Variants in GALNT17 observed in about 807,000 individuals in gnomAD.
The protein encoded by GALNT17 is polypeptide N-acetylgalactosaminyltransferase 17.
A neutral mutation model predicts 63.7 loss-of-function variants in GALNT17; 29 were observed. The ratio of observed to expected loss-of-function variants is 0.46; its 90% confidence interval spans 0.34 to 0.62. The LOEUF (loss-of-function observed/expected upper bound fraction) is 0.62, where lower values mean the gene tolerates loss of function less well. Ranked by LOEUF, GALNT17 falls within the 20% of genes least tolerant of loss-of-function variation. The pLI, the probability that GALNT17 is intolerant of heterozygous loss-of-function variation, is 0.01. For missense variants in GALNT17, 603 were observed against 799.6 expected, an observed-to-expected ratio of 0.75 and a Z score of 2.97; for synonymous variants, 305 against 318.3, an observed-to-expected ratio of 0.96 and a Z score of 0.45.
intron 1 of GALNT17, among the ~76,000 whole-genome samples, chr7:71,288,811 T>C (rs934876238): frequency 6.6e-6 from 1 of 152,198 alleles, no homozygotes; most frequent in African/African-American, 2.4e-5. Context: ...GGAGAGTTGG[T>C]TGATGCTGAG....
At chr7:71,665,366 T>C (rs1412636926) in intron 6 of GALNT17, 45 bp from the exon 7 acceptor site, 1 of 1,567,668 alleles carries the variant, frequency 6.4e-7, no homozygotes, top group African/African-American at 1.4e-5. Context: ...GGGCATAGCC[T>C]CTGGGAATTT....
chr7:71,388,412 G>A lies in GALNT17; in HGVS notation c.589+11G>A, dbSNP rs1215387034. The stretch of plus-strand genomic sequence containing the variant: ...ACAACAGCGACGAAGGTACAGGGGT[G>A]GCTGACCTGTGCACAGGACATGATG... On this transcript the variant is annotated intron_variant, in intron 3 of 10. Coordinates refer to ENST00000333538, the MANE Select transcript of GALNT17 (RefSeq NM_022479.3). 3 of 1,612,756 alleles carry A rather than the reference G, an allele frequency of 1.9e-6. No individual in the cohort carries two copies. The East Asian group carries it at 6.7e-5, about 36-fold the overall frequency.
rs1788524874 is a variant in GALNT17 at position 71,521,221 on chromosome 7, A to T, written c.963-50064A>T. 2.7e-5 allele frequency among the ~76,000 whole-genome samples: 4 copies of T among 150,720 alleles called. No individual in the cohort carries two copies. In the South Asian group the frequency reaches 8.4e-4, roughly 31 times the overall value. On this transcript the variant is annotated intron_variant, in intron 5 of 10. Coordinates refer to ENST00000333538, the MANE Select transcript of GALNT17 (RefSeq NM_022479.3). ...GGCTAAGGCATGGATGCTCAGATAGATCCCAAATCTTTTTTTTTTTTTCCC... is the reference window on the plus strand; with the variant it reads ...GGCTAAGGCATGGATGCTCAGATAGTTCCCAAATCTTTTTTTTTTTTTCCC...
chr7:71,236,286 A>C (rs1789889711), intron 1 of GALNT17, among the ~76,000 whole-genome samples: 1 of 152,104 alleles, frequency 6.6e-6, no homozygotes, highest in Non-Finnish European at 1.5e-5. Context: ...CTTCATTGCT[A>C]CCCTATCTCA....
chr7:71,216,859 T>C (rs1789492408), intron 1 of GALNT17, among the ~76,000 whole-genome samples: 1 of 152,216 alleles, frequency 6.6e-6, no homozygotes, highest in South Asian at 2.1e-4. Context: ...TGTCTGGGAG[T>C]ACAACTTTAA....
chr7:71,535,009 G>A (rs1788781645), intron 5 of GALNT17, among the ~76,000 whole-genome samples: 1 of 152,154 alleles, frequency 6.6e-6, no homozygotes, highest in African/African-American at 2.4e-5. Flanking sequence ...AAAGAGAGGA[G>A]AATAGTACAT....
intron 6 of GALNT17, among the ~76,000 whole-genome samples, chr7:71,574,789 C>A (rs182288039): frequency 1.3e-5 from 2 of 152,138 alleles, no homozygotes; most frequent in Non-Finnish European, 2.9e-5. Context: ...CCTCCTACCC[C>A]ACCAGGTAAC....
At chr7:71,701,783 GTATATATA>G (rs1220410563) in intron 9 of GALNT17, among the ~76,000 whole-genome samples, 1 of 79,550 alleles carries the variant, frequency 1.3e-5, no homozygotes, top group Non-Finnish European at 2.3e-5. Context: ...ATGTGTGTGT[GTATATATA>G]TGTGTGTGTG....
chr7:71,291,706 A>G (rs542498531), intron 1 of GALNT17, among the ~76,000 whole-genome samples: 40 of 152,142 alleles, frequency 2.6e-4, no homozygotes, highest in Non-Finnish European at 5.6e-4. Flanking sequence ...CACTGGATCT[A>G]TATACTAATT....
chr7:71,364,903 T>C (rs1477453362), intron 2 of GALNT17, among the ~76,000 whole-genome samples: 1 of 151,330 alleles, frequency 6.6e-6, no homozygotes, highest in Non-Finnish European at 1.5e-5. Context: ...ATTCCCAGAT[T>C]TCTAAAAGGA....
chr7:71,497,055 A>T (rs1364554444), intron 5 of GALNT17, among the ~76,000 whole-genome samples: 1 of 152,126 alleles, frequency 6.6e-6, no homozygotes, highest in Non-Finnish European at 1.5e-5. Flanking sequence ...ACACAGTGAG[A>T]CCCTGAATCT....
chr7:71,219,329 T>C (rs1789542379), intron 1 of GALNT17, among the ~76,000 whole-genome samples: 1 of 152,188 alleles, frequency 6.6e-6, no homozygotes, highest in South Asian at 2.1e-4. Context: ...TTTACCAATA[T>C]GTGTATCTCT....
intron 2 of GALNT17, among the ~76,000 whole-genome samples, chr7:71,377,972 C>T (rs1188960789): frequency 1.3e-5 from 2 of 152,148 alleles, no homozygotes; most frequent in African/African-American, 2.4e-5. Context: ...TACCCAGTCT[C>T]GGGAATAGCT....
chr7:71,590,181 T>C (rs946855842), intron 6 of GALNT17, among the ~76,000 whole-genome samples: 4 of 152,200 alleles, frequency 2.6e-5, no homozygotes, highest in Non-Finnish European at 5.9e-5. Flanking sequence ...GTTCAAGAAA[T>C]AGAACTGCAA....
intron 5 of GALNT17, among the ~76,000 whole-genome samples, chr7:71,452,367 G>A (rs1787278335): frequency 6.6e-6 from 1 of 152,128 alleles, no homozygotes; most frequent in African/African-American, 2.4e-5. Flanking sequence ...CCAACAAGGT[G>A]AAACCCTGTC....
chr7:71,602,801 A>G (rs547618404), intron 6 of GALNT17, among the ~76,000 whole-genome samples: 2 of 152,050 alleles, frequency 1.3e-5, no homozygotes, highest in Non-Finnish European at 2.9e-5. Flanking sequence ...AAGACACTCA[A>G]CTCCTTCACT....
intron 2 of GALNT17, among the ~76,000 whole-genome samples, chr7:71,380,334 ATAT>A (rs936337046): frequency 6.6e-6 from 1 of 151,992 alleles, no homozygotes; most frequent in African/African-American, 2.4e-5. Flanking sequence ...ATTAGTATTA[ATAT>A]TATTATTATT....
At chr7:71,443,704 T>C (rs1010335381) in intron 5 of GALNT17, among the ~76,000 whole-genome samples, 3 of 151,406 alleles carry the variant, frequency 2.0e-5, no homozygotes, top group Non-Finnish European at 4.4e-5. Flanking sequence ...CTATTCTTCA[T>C]AAATTACCTA....
intron 1 of GALNT17, among the ~76,000 whole-genome samples, chr7:71,323,771 A>G (rs992000717): frequency 6.6e-6 from 1 of 152,228 alleles, no homozygotes; most frequent in African/African-American, 2.4e-5. Context: ...TCATTCATTC[A>G]TTGACTCACT....
Sources: allele counts gnomAD v4.1 joint callset (sites outside exome capture counted in the v4.1 genomes callset), GRCh38; gene constraint gnomAD v4.1.1; transcripts MANE v1.5; gene names NCBI Gene and HGNC (gene_info 2026-07-23, HGNC 2026-07-21).